Variants in SAMD3 observed in about 807,000 individuals in gnomAD.
SAMD3 encodes sterile alpha motif domain containing 3.
A neutral mutation model predicts 58.5 loss-of-function variants in SAMD3; 63 were observed. The observed-to-expected ratio is 1.08, with a 90% CI of 0.88 to 1.33. The LOEUF (loss-of-function observed/expected upper bound fraction) is 1.33. SAMD3 is among the 40% of genes most tolerant of loss of function. SAMD3 has a pLI of 0.00. For missense variants in SAMD3, 604 were observed against 608.4 expected, an observed-to-expected ratio of 0.99 and a Z score of 0.08; for synonymous variants, 220 against 210.3, an observed-to-expected ratio of 1.05 and a Z score of -0.40.
intron 2 of SAMD3, among the ~76,000 whole-genome samples, chr6:130,268,131 T>C (rs1033539503): frequency 2.6e-5 from 4 of 152,218 alleles, no homozygotes; most frequent in Non-Finnish European, 4.4e-5. Flanking sequence ...AAGACATTGA[T>C]GATCCCAGCC....
chr6:130,331,053 A>G (rs1362263582), intron 1 of SAMD3, among the ~76,000 whole-genome samples: 1 of 152,244 alleles, frequency 6.6e-6, no homozygotes, highest in African/African-American at 2.4e-5. Flanking sequence ...TTAAGCCATG[A>G]CTGAATATTA....
chr6:130,301,438 A>G (rs543718062), intron 2 of SAMD3, among the ~76,000 whole-genome samples: 1 of 152,332 alleles, frequency 6.6e-6, no homozygotes, highest in East Asian at 1.9e-4. Flanking sequence ...CCGATGGCGC[A>G]AACAAATGGA....
At chr6:130,341,726 G>T (rs1257288096) in intron 1 of SAMD3, among the ~76,000 whole-genome samples, 3 of 152,078 alleles carry the variant, frequency 2.0e-5, no homozygotes, top group Non-Finnish European at 4.4e-5. Flanking sequence ...GAGGCTTGTT[G>T]TTATTTTAGC....
intron 1 of SAMD3, among the ~76,000 whole-genome samples, chr6:130,333,720 T>C (rs1342479182): frequency 6.6e-6 from 1 of 152,232 alleles, no homozygotes; most frequent in Non-Finnish European, 1.5e-5. Context: ...GTTTTAGTCA[T>C]TAAGGCTGCA....
chr6:130,226,643 A>G (rs955596510), upstream of SAMD3, among the ~76,000 whole-genome samples: 2 of 152,206 alleles, frequency 1.3e-5, no homozygotes, highest in South Asian at 2.1e-4. Flanking sequence ...CCTGGTCAAC[A>G]TGGTGAAACC....
chr6:130,177,407 G>A (rs1428228571), intron 7 of SAMD3, among the ~76,000 whole-genome samples: 1 of 152,154 alleles, frequency 6.6e-6, no homozygotes, highest in Non-Finnish European at 1.5e-5. Context: ...CAGAGACATG[G>A]ACAATACCTA....
chr6:130,247,415 C>T (rs111728021), intron 2 of SAMD3, among the ~76,000 whole-genome samples: 2,909 of 150,212 alleles, frequency 0.019, 93 homozygotes, highest in African/African-American at 0.068. Context: ...TGCAGTGAGC[C>T]GAGATTGTTC....
intron 1 of SAMD3, among the ~76,000 whole-genome samples, chr6:130,319,194 C>T (rs776945277): frequency 1.3e-5 from 2 of 152,014 alleles, no homozygotes; most frequent in Non-Finnish European, 2.9e-5. Context: ...GGAACCCCCA[C>T]AGGAGAAGAG....
At chr6:130,194,787 C>T (rs1793928519) in intron 5 of SAMD3, among the ~76,000 whole-genome samples, 1 of 152,214 alleles carries the variant, frequency 6.6e-6, no homozygotes, top group Non-Finnish European at 1.5e-5. Flanking sequence ...TGAGTCCTTC[C>T]CAGATCTTCT....
At chr6:130,244,483 A>G (rs1326024586) in intron 2 of SAMD3, among the ~76,000 whole-genome samples, 1 of 152,136 alleles carries the variant, frequency 6.6e-6, no homozygotes, top group East Asian at 1.9e-4. Flanking sequence ...CCAGCCTTGT[A>G]ATCCCAGCAC....
In SAMD3 at chr6:130,144,645, A is replaced by G. The variant is rs1161804285; in HGVS notation, c.1438T>C (p.Cys480Arg). 3.1e-6 allele frequency: 5 copies of G among 1,614,144 alleles called. No homozygotes were observed. The highest frequency in any genetic ancestry group is 1.3e-5 in the African/African-American group (1 of 75,052). The change falls in exon 12 of 12, where the codon TGT becomes CGT. Residue 480 changes from cysteine (C) to arginine (R), a missense_variant. By Grantham distance (180) the Cys-to-Arg change is radical. Transcript: ENST00000439090. ...AAAGTTTGGGACAGTCTTCTTGGACACTCAATCCTAAATACATGAAAGGCA... is the reference window on the plus strand; with the variant it reads ...AAAGTTTGGGACAGTCTTCTTGGACGCTCAATCCTAAATACATGAAAGGCA... Reference protein sequence around the residue: ...VAAFHVFRIECPRRLSQTFNF... With the variant: ...VAAFHVFRIERPRRLSQTFNF...
In SAMD3 at chr6:130,267,568, G is replaced by A. The variant is rs142786500; in HGVS notation, c.-187-44755C>T. On this transcript the variant is annotated intron_variant, in intron 2 of 13. Coordinates refer to the SAMD3 transcript ENST00000368134. ...TGTTTTATACTCAGAAAAGGAAAGA[G>A]AAGCAAAACTGAAGGCAGGTAGCCC... is the stretch of plus-strand genomic sequence containing the variant. Among the ~76,000 whole-genome samples the A allele has an allele frequency of 1.5e-3, 233 of 152,284 alleles. 1 individual carries two copies. Among genetic ancestry groups the A allele is most frequent in the African/African-American group, 5.4e-3 (225 of 41,560 alleles).
In SAMD3 at chr6:130,214,390, GGAC is replaced by G; in HGVS notation, c.213_215del (p.Lys71_Ser72delinsAsn). On this transcript the variant is annotated inframe_deletion, in exon 4 of 12. Coordinates refer to ENST00000439090, the MANE Select transcript of SAMD3 (RefSeq NM_001017373.4). ...GGGCTGCCTTTTTGGGGTTTTCTGG[GGAC>G]TTCAGTCCTTGAGTGTTCTGCTTGT... is the stretch of plus-strand genomic sequence containing the variant. The G allele has an allele frequency of 6.2e-7, 1 of 1,609,714 alleles. No homozygotes were observed. The highest frequency in any genetic ancestry group is 2.2e-5 in the East Asian group (1 of 44,634).
intron 1 of SAMD3, among the ~76,000 whole-genome samples, chr6:130,329,887 G>A (rs542497148): frequency 6.7e-6 from 1 of 150,368 alleles, no homozygotes; most frequent in African/African-American, 2.5e-5. Flanking sequence ...GACACAGGGA[G>A]GGGAACATCA....
intron 1 of SAMD3, among the ~76,000 whole-genome samples, chr6:130,315,931 C>T (rs1445644339): frequency 6.6e-6 from 1 of 152,094 alleles, no homozygotes; most frequent in African/African-American, 2.4e-5. Context: ...TATATATGTG[C>T]TAAGGAGTGA....
At chr6:130,151,630 A>C (rs1327017803) in intron 9 of SAMD3, among the ~76,000 whole-genome samples, 1 of 151,862 alleles carries the variant, frequency 6.6e-6, no homozygotes, top group East Asian at 1.9e-4. Flanking sequence ...TAGTAGAGAC[A>C]GTGTTTCTCC....
At chr6:130,174,846 A>G (rs1791579493) in intron 8 of SAMD3, among the ~76,000 whole-genome samples, 1 of 152,238 alleles carries the variant, frequency 6.6e-6, no homozygotes, top group African/African-American at 2.4e-5. Context: ...TAAGATATTT[A>G]AAGTACATAC....
At chr6:130,190,363 T>C (rs1262896338) in intron 5 of SAMD3, among the ~76,000 whole-genome samples, 2 of 150,290 alleles carry the variant, frequency 1.3e-5, no homozygotes, top group East Asian at 3.9e-4. Flanking sequence ...GTAAAGATAA[T>C]CATTAGAATG....
rs1229067765 is a variant in SAMD3 at position 130,351,059 on chromosome 6, T to G, written c.-304+14061A>C. On this transcript the variant is annotated intron_variant, in intron 1 of 13. Coordinates refer to the SAMD3 transcript ENST00000368134. ...TGAAACTGGATCCCTTCCTTACACCTTATACAAAAATTAATTGGGGATGGA... is the reference window on the plus strand; with the variant it reads ...TGAAACTGGATCCCTTCCTTACACCGTATACAAAAATTAATTGGGGATGGA... Among the ~76,000 whole-genome samples the G allele has an allele frequency of 5.3e-5, 8 of 152,136 alleles. No homozygotes were observed. In the South Asian group the frequency reaches 6.2e-4, roughly 12 times the overall value.
Sources: allele counts gnomAD v4.1 joint callset (sites outside exome capture counted in the v4.1 genomes callset), GRCh38; gene constraint gnomAD v4.1.1; transcripts MANE v1.5; gene names NCBI Gene and HGNC (gene_info 2026-07-23, HGNC 2026-07-21).